The following LPP variants were observed in gnomAD, a reference collection of about 807,000 sequenced individuals.
The protein encoded by LPP is LIM domain containing preferred translocation partner in lipoma.
A neutral mutation model predicts 60.4 loss-of-function variants in LPP; 38 were observed. The observed-to-expected ratio is 0.63, with a 90% CI of 0.49 to 0.83. The LOEUF is 0.83. Among genes scored for constraint, LPP ranks in the 40% least tolerant of loss-of-function variants. The probability of loss-of-function intolerance (pLI) is 0.00; values close to 1 mark genes in which losing one functional copy is unlikely to be tolerated. For synonymous variants in LPP, 328 were observed against 290.8 expected (o/e 1.13, Z -1.30); for missense variants, 902 against 783.6 (o/e 1.15, Z -1.80).
At chr3:188,604,179 A>G (rs1213891284) in intron 6 of LPP, among the ~76,000 whole-genome samples, 3 of 152,076 alleles carry the variant, frequency 2.0e-5, no homozygotes, top group Non-Finnish European at 4.4e-5. Context: ...TTTGTCTCAT[A>G]GTGAATCTAG....
At chr3:188,768,612 T>C (rs1414248319) in intron 9 of LPP, among the ~76,000 whole-genome samples, 1 of 152,132 alleles carries the variant, frequency 6.6e-6, no homozygotes, top group Non-Finnish European at 1.5e-5. Flanking sequence ...CAATGCAAAA[T>C]AAGCTCTAAG....
At chr3:188,262,377 A>G (rs1733972191) in intron 2 of LPP, among the ~76,000 whole-genome samples, 1 of 152,052 alleles carries the variant, frequency 6.6e-6, no homozygotes, top group Non-Finnish European at 1.5e-5. Context: ...ATAGGTTTTC[A>G]ATATACAGGA....
chr3:188,291,055 A>G (rs1029506085), intron 2 of LPP, among the ~76,000 whole-genome samples: 2 of 152,184 alleles, frequency 1.3e-5, no homozygotes, highest in African/African-American at 4.8e-5. Context: ...ATTCTAACAT[A>G]TGTATTTCAC....
intron 6 of LPP, among the ~76,000 whole-genome samples, chr3:188,535,777 G>A (rs1823413935): frequency 2.6e-5 from 4 of 152,016 alleles, no homozygotes. Flanking sequence ...TTCTGTTACT[G>A]TTGAGATAAC....
At chr3:188,728,033 G>A (rs1397161228) in intron 8 of LPP, among the ~76,000 whole-genome samples, 1 of 152,132 alleles carries the variant, frequency 6.6e-6, no homozygotes, top group Non-Finnish European at 1.5e-5. Flanking sequence ...GAAACCTGAG[G>A]AGTTTCTTGG....
At chr3:188,413,315 T>C (rs1785343958) in intron 4 of LPP, among the ~76,000 whole-genome samples, 2 of 152,160 alleles carry the variant, frequency 1.3e-5, no homozygotes, top group Admixed American at 1.3e-4. Flanking sequence ...ACTTTGGAGA[T>C]ACAAATGGGA....
At chr3:188,781,719 TA>T (rs1280975477) in intron 9 of LPP, among the ~76,000 whole-genome samples, 1,574 of 140,518 alleles carry the variant, frequency 0.011, 11 homozygotes, top group African/African-American at 0.028. Context: ...CCATCTCTAC[TA>T]AAAAAAAAAA....
At chr3:188,185,116 CT>C (rs1239962185) in intron 1 of LPP, among the ~76,000 whole-genome samples, 3 of 152,162 alleles carry the variant, frequency 2.0e-5, no homozygotes, top group South Asian at 4.1e-4. Context: ...TTTTATACTT[CT>C]TTTGATGGTA....
At chr3:188,802,440 A>G (rs1375549460) in intron 9 of LPP, among the ~76,000 whole-genome samples, 1 of 152,200 alleles carries the variant, frequency 6.6e-6, no homozygotes, top group African/African-American at 2.4e-5. Flanking sequence ...GTCTCTGAAA[A>G]AGGAAAAAGA....
intron 9 of LPP, among the ~76,000 whole-genome samples, chr3:188,798,933 C>T (rs1025503189): frequency 3.3e-5 from 5 of 152,182 alleles, no homozygotes; most frequent in South Asian, 2.1e-4. Context: ...AGTGTGGGTT[C>T]CACCCTCTTC....
In LPP at chr3:188,406,168, C is replaced by G. The variant is rs746940417; in HGVS notation, c.48C>G (p.Leu16=). 6.2e-7 allele frequency: 1 copy of G among 1,614,136 alleles called. No homozygotes were observed. The part of the protein sequence containing the change: ...WLPPKSTGEP[L]GHVPARMETT... The stretch of plus-strand genomic sequence containing the variant: ...CACCCAAAAGCACTGGTGAGCCCCT[C>G]GGCCATGTGCCTGCACGGATGGAGA... The change falls in exon 4 of 12, where the codon CTC becomes CTG. Residue 16 remains leucine, a synonymous_variant. Transcript: ENST00000617246.
intron 2 of LPP, among the ~76,000 whole-genome samples, chr3:188,321,040 G>A (rs556870461): frequency 5.0e-4 from 76 of 152,280 alleles, no homozygotes; most frequent in African/African-American, 1.5e-3. Flanking sequence ...TCCCTCTGGC[G>A]TTTGCCATCA....
rs1366959413 is a variant in LPP at position 188,352,310 on chromosome 3, G to A, written c.-10+10591G>A. Among the ~76,000 whole-genome samples the A allele has an allele frequency of 2.0e-5, 3 of 152,212 alleles. No individual in the cohort carries two copies. Among genetic ancestry groups the A allele is most frequent in the Admixed American group, 6.5e-5 (1 of 15,282 alleles). Reference sequence around the variant, plus strand: ...TCTGAAATGTGGCAGCTGCGCACACGTATTGGCTGCTTTTTCTCCCCACCT... The same window carrying A: ...TCTGAAATGTGGCAGCTGCGCACACATATTGGCTGCTTTTTCTCCCCACCT... On this transcript the variant is annotated intron_variant, in intron 3 of 11. Coordinates refer to ENST00000617246, the MANE Select transcript of LPP (RefSeq NM_001375462.1). The surrounding 1 kb of genome is among the most constrained non-coding windows in gnomAD (Gnocchi z 4.4).
chr3:188,557,154 A>T (rs910513188), intron 6 of LPP, among the ~76,000 whole-genome samples: 1 of 151,926 alleles, frequency 6.6e-6, no homozygotes, highest in South Asian at 2.1e-4. Flanking sequence ...CTTCTCATTC[A>T]TATTTCTATA....
intron 1 of LPP, among the ~76,000 whole-genome samples, chr3:188,216,349 C>T (rs1465110137): frequency 6.6e-6 from 1 of 150,404 alleles, no homozygotes; most frequent in Non-Finnish European, 1.5e-5. Context: ...TGGCTCACTG[C>T]AACCTCTGCT....
chr3:188,262,320 A>G (rs1733949638), intron 2 of LPP, among the ~76,000 whole-genome samples: 1 of 151,590 alleles, frequency 6.6e-6, no homozygotes, highest in Admixed American at 6.6e-5. Context: ...ATAGATATTG[A>G]AAATAGTGTT....
chr3:188,816,146 A>G (rs1399465617), intron 9 of LPP, among the ~76,000 whole-genome samples: 3 of 151,458 alleles, frequency 2.0e-5, no homozygotes, highest in Non-Finnish European at 4.4e-5. Flanking sequence ...TTTCTACACA[A>G]TGGTCATTGC....
intron 5 of LPP, among the ~76,000 whole-genome samples, chr3:188,518,412 T>A (rs1817994131): frequency 6.6e-6 from 1 of 152,224 alleles, no homozygotes; most frequent in Non-Finnish European, 1.5e-5. Context: ...CCTCTTAGGT[T>A]TTACTAAATT....
intron 5 of LPP, among the ~76,000 whole-genome samples, chr3:188,489,287 C>T (rs1462753190): frequency 6.6e-6 from 1 of 152,098 alleles, no homozygotes; most frequent in Admixed American, 6.5e-5. Context: ...CTTTGGTCAT[C>T]ATACATTGAT....
Sources: gnomAD v4.1 joint callset for allele counts (sites outside exome capture counted in the v4.1 genomes callset) on GRCh38, gnomAD v4.1.1 for gene constraint, Gnocchi (gnomAD v3.1) non-coding constraint, MANE v1.5 for transcripts, NCBI Gene and HGNC (gene_info 2026-07-23, HGNC 2026-07-21) for gene names.